The following TMEM232 variants were observed in gnomAD, a reference collection of about 807,000 sequenced individuals.
TMEM232 encodes transmembrane protein 232.
A neutral mutation model predicts 78.8 loss-of-function variants in TMEM232; 80 were observed. The observed-to-expected ratio is 1.01, with a 90% CI of 0.85 to 1.22. The LOEUF (loss-of-function observed/expected upper bound fraction) is 1.22. Among genes scored for constraint, TMEM232 ranks in the 50% most tolerant of loss-of-function variants. The pLI is 0.00. For missense variants in TMEM232, 881 were observed against 742.2 expected (o/e 1.19, Z -2.17); for synonymous variants, 297 against 254.3 (o/e 1.17, Z -1.60).
At chr5:110,556,161 T>C (rs1775051141) in intron 11 of TMEM232, among the ~76,000 whole-genome samples, 1 of 152,278 alleles carries the variant, frequency 6.6e-6, no homozygotes, top group South Asian at 2.1e-4. Context: ...TGAGGACTTC[T>C]TGTAAGGCAG....
intron 2 of TMEM232, among the ~76,000 whole-genome samples, chr5:110,406,468 C>T (rs1755798657): frequency 6.6e-6 from 1 of 151,926 alleles, no homozygotes; most frequent in African/African-American, 2.4e-5. Context: ...TATCCAATTA[C>T]TGATTCATAT....
Position 110,647,520 on chromosome 5 carries a change from G to GT in TMEM232, c.126-5150dup, listed in dbSNP as rs1209950207. On this transcript the variant is annotated intron_variant, in intron 2 of 13. Transcript: ENST00000455884. The stretch of plus-strand genomic sequence containing the variant: ...TTATTTTATTGTGTAAAAATATGAA[G>GT]TTTTTTGTCGTGTTTTTATGTGTTT... Among the ~76,000 whole-genome samples, 44 of 151,884 alleles carry GT rather than the reference G, an allele frequency of 2.9e-4. No homozygotes were observed. The East Asian group carries it at 8.1e-3, about 28-fold the overall frequency.
intron 12 of TMEM232, among the ~76,000 whole-genome samples, chr5:110,486,484 G>C (rs1265324729): frequency 6.6e-6 from 1 of 152,018 alleles, no homozygotes; most frequent in African/African-American, 2.4e-5. Context: ...ATCTTGAGTT[G>C]ATTTTTGTAT....
At chr5:110,552,993 G>A (rs536886917) in intron 11 of TMEM232, among the ~76,000 whole-genome samples, 4 of 152,212 alleles carry the variant, frequency 2.6e-5, no homozygotes, top group East Asian at 3.9e-4. Context: ...TTATTGAATA[G>A]GGAACCCCTT....
intron 11 of TMEM232, among the ~76,000 whole-genome samples, chr5:110,533,268 T>C (rs1771821161): frequency 1.3e-5 from 2 of 152,108 alleles, no homozygotes. Context: ...CTGTTACCTA[T>C]CTCGGCATAA....
At chr5:110,628,034 C>T (rs992952574) in intron 5 of TMEM232, among the ~76,000 whole-genome samples, 154 bp from the exon 6 acceptor site, 1 of 151,972 alleles carries the variant, frequency 6.6e-6, no homozygotes, top group Non-Finnish European at 1.5e-5. Context: ...AACATTAAAA[C>T]ATTTATATCA....
At chr5:110,393,067 T>G (rs1340266067) in intron 3 of TMEM232, among the ~76,000 whole-genome samples, 1 of 152,208 alleles carries the variant, frequency 6.6e-6, no homozygotes, top group East Asian at 1.9e-4. Context: ...TTAAATTTAT[T>G]GATGTTTGTC....
chr5:110,506,465 C>A (rs1029343567), intron 12 of TMEM232, among the ~76,000 whole-genome samples: 1 of 152,140 alleles, frequency 6.6e-6, no homozygotes, highest in Non-Finnish European at 1.5e-5. Context: ...GTTGTCCACA[C>A]ACTGGAGTAA....
At chr5:110,580,470 T>G (rs1004500908) in intron 10 of TMEM232, among the ~76,000 whole-genome samples, 2 of 151,730 alleles carry the variant, frequency 1.3e-5, no homozygotes, top group African/African-American at 4.8e-5. Flanking sequence ...GTAAGTATAC[T>G]CTATTATGCT....
chr5:110,551,539 T>C (rs1453837841), intron 11 of TMEM232, among the ~76,000 whole-genome samples: 4 of 152,098 alleles, frequency 2.6e-5, no homozygotes, highest in African/African-American at 4.8e-5. Flanking sequence ...AACATTTTTG[T>C]AATAGAAATC....
At chr5:110,438,658 G>A (rs1051427304) in intron 12 of TMEM232, among the ~76,000 whole-genome samples, 13 of 152,116 alleles carry the variant, frequency 8.5e-5, no homozygotes, top group African/African-American at 2.9e-4. Flanking sequence ...AAGACCAGAA[G>A]TCAGAATTCA....
chr5:110,505,274 C>T (rs1425769955), intron 12 of TMEM232, among the ~76,000 whole-genome samples: 1 of 152,124 alleles, frequency 6.6e-6, no homozygotes, highest in Non-Finnish European at 1.5e-5. Context: ...GACTCTTTAA[C>T]TGGTGATAGC....
chr5:110,690,367 G>GA (rs200052409), intron 1 of TMEM232, among the ~76,000 whole-genome samples: 1,660 of 152,138 alleles, frequency 0.011, 23 homozygotes, highest in African/African-American at 0.037. Context: ...AAAAACATAC[G>GA]AAAAAAGGCT....
At chr5:110,628,555 T>A (rs1220291797) in intron 5 of TMEM232, among the ~76,000 whole-genome samples, 1 of 152,000 alleles carries the variant, frequency 6.6e-6, no homozygotes, top group Non-Finnish European at 1.5e-5. Context: ...ATATATAATC[T>A]GCAACATTTT....
In TMEM232 at chr5:110,606,077, G is replaced by A. The variant is rs114352239; in HGVS notation, c.1026+87C>T. ...TTATAAAGTTATGCATACTATATGCGCTAATACGATATACAATTTAAATAG... is the reference window on the plus strand; with the variant it reads ...TTATAAAGTTATGCATACTATATGCACTAATACGATATACAATTTAAATAG... On this transcript the variant is annotated intron_variant, in intron 9 of 13. Transcript: ENST00000455884. The A allele has an allele frequency of 5.2e-3, 6,764 of 1,299,686 alleles. 288 individuals carry two copies. In the African/African-American group the frequency reaches 0.089, roughly 17 times the overall value. 80.5% of individuals were successfully genotyped at this position (1,299,686 alleles called of 1,614,324 possible).
At chr5:110,531,945 CT>C (rs1420333428) in intron 11 of TMEM232, among the ~76,000 whole-genome samples, 1 of 152,164 alleles carries the variant, frequency 6.6e-6, no homozygotes, top group African/African-American at 2.4e-5. Flanking sequence ...CACAACAGGA[CT>C]TAATTAACCT....
intron 2 of TMEM232, among the ~76,000 whole-genome samples, chr5:110,733,825 G>C (rs1456910392): frequency 6.6e-6 from 1 of 152,110 alleles, no homozygotes; most frequent in African/African-American, 2.4e-5. Flanking sequence ...ATGTACCCTT[G>C]AACCTAAAAT....
chr5:110,509,975 T>G (rs1455009500), intron 12 of TMEM232, among the ~76,000 whole-genome samples: 2 of 152,216 alleles, frequency 1.3e-5, no homozygotes, highest in Admixed American at 1.3e-4. Flanking sequence ...TTTTATTTTC[T>G]TCTAACTCTC....
intron 12 of TMEM232, among the ~76,000 whole-genome samples, chr5:110,428,820 ACT>A (rs1468822544): frequency 6.6e-6 from 1 of 151,178 alleles, no homozygotes; most frequent in Non-Finnish European, 1.5e-5. Flanking sequence ...ACAAAAACTC[ACT>A]CTCTCTCCAA....
Sources: allele counts gnomAD v4.1 joint callset (sites outside exome capture counted in the v4.1 genomes callset), GRCh38; gene constraint gnomAD v4.1.1; transcripts MANE v1.5; gene names NCBI Gene and HGNC (gene_info 2026-07-23, HGNC 2026-07-21).